OPCML: variants seen among roughly 807,000 people sequenced by gnomAD.
OPCML encodes the protein opioid-binding protein/cell adhesion molecule.
In OPCML, 13 loss-of-function variants were observed where a neutral mutation model predicts 37.8. That is an observed-to-expected ratio of 0.34 (90% CI 0.22 to 0.55). OPCML has a LOEUF of 0.55. Among genes scored for constraint, OPCML ranks in the 20% least tolerant of loss-of-function variants. OPCML has a pLI of 0.91. For missense variants in OPCML, 341 were observed against 435.6 expected (o/e 0.78, Z 1.93); for synonymous variants, 176 against 168.8 (o/e 1.04, Z -0.33).
intron 3 of OPCML, among the ~76,000 whole-genome samples, chr11:132,643,974 C>T (rs1167187407): frequency 2.0e-5 from 3 of 152,184 alleles, no homozygotes; most frequent in African/African-American, 4.8e-5. Context: ...AAACACTCCT[C>T]GTGGTCGTCT....
At chr11:133,257,211 A>G (rs758471565) in intron 1 of OPCML, among the ~76,000 whole-genome samples, 62 of 152,326 alleles carry the variant, frequency 4.1e-4, no homozygotes, top group Admixed American at 1.1e-3. Context: ...AAGCATTTAG[A>G]ATTCGTCTCA....
At chr11:133,480,526 C>T (rs1429473498) in intron 1 of OPCML, among the ~76,000 whole-genome samples, 1 of 152,214 alleles carries the variant, frequency 6.6e-6, no homozygotes, top group African/African-American at 2.4e-5. Context: ...TTATGATCTG[C>T]TCCCTCTTTG....
intron 1 of OPCML, among the ~76,000 whole-genome samples, chr11:132,969,375 A>G (rs977913827): frequency 6.6e-6 from 1 of 151,860 alleles, no homozygotes; most frequent in Admixed American, 6.6e-5. Flanking sequence ...TTGTCTTTCA[A>G]CCTTTTCCCT....
intron 1 of OPCML, among the ~76,000 whole-genome samples, chr11:133,255,903 T>G (rs2136444569): frequency 6.6e-6 from 1 of 152,358 alleles, no homozygotes; most frequent in Middle Eastern, 3.4e-3. Flanking sequence ...ATGATACCAA[T>G]GGAAATGTCT....
At chr11:133,296,328 C>T (rs1942628762) in intron 1 of OPCML, among the ~76,000 whole-genome samples, 1 of 152,192 alleles carries the variant, frequency 6.6e-6, no homozygotes. Flanking sequence ...GGTTTATTTG[C>T]TTCTGGTGCA....
chr11:133,248,515 A>G (rs1051015573), intron 1 of OPCML, among the ~76,000 whole-genome samples: 3 of 152,242 alleles, frequency 2.0e-5, no homozygotes, highest in Non-Finnish European at 2.9e-5. Flanking sequence ...TGAACAAGCC[A>G]TAACTTTCTA....
chr11:132,942,843 TG>T (rs1404135023), intron 2 of OPCML, 82 bp downstream of exon 2: 45 of 1,561,994 alleles, frequency 2.9e-5, no homozygotes, highest in African/African-American at 5.4e-5. Flanking sequence ...CGGTCCCCCA[TG>T]GAGCCTTCTG....
intron 1 of OPCML, among the ~76,000 whole-genome samples, chr11:133,047,561 G>A (rs950707285): frequency 1.3e-5 from 2 of 152,104 alleles, no homozygotes; most frequent in Admixed American, 6.5e-5. Context: ...ATGGCACTGC[G>A]GCCCACGTGC....
In OPCML at chr11:133,173,664, C is replaced by T. The variant is rs910229782; in HGVS notation, c.62-230654G>A. Among the ~76,000 whole-genome samples the T allele has an allele frequency of 6.6e-6, 1 of 152,196 alleles. No homozygotes were observed. Among genetic ancestry groups the T allele is most frequent in the Admixed American group, 6.5e-5 (1 of 15,284 alleles). On this transcript the variant is annotated intron_variant, in intron 1 of 7. Coordinates refer to ENST00000524381, the MANE Select transcript of OPCML (RefSeq NM_001012393.5). The surrounding 1 kb of genome is among the most constrained non-coding windows in gnomAD (Gnocchi z 7.8). ...GCGATGAGGCTAACGTAAGGGTAGA[C>T]ACCTCCCTGCAGATAATAACGAGAA...
chr11:132,523,599 G>GA (rs1157871942), intron 4 of OPCML, among the ~76,000 whole-genome samples: 2 of 151,986 alleles, frequency 1.3e-5, no homozygotes, highest in African/African-American at 4.8e-5. Context: ...ATGGAAGAAA[G>GA]AAAAAATACA....
intron 2 of OPCML, among the ~76,000 whole-genome samples, chr11:132,796,660 G>A (rs1938337576): frequency 7.5e-6 from 1 of 132,682 alleles, no homozygotes. Context: ...TGCAAGCTCC[G>A]CCTCCCGGGT....
intron 3 of OPCML, among the ~76,000 whole-genome samples, chr11:132,541,155 C>T (rs2096355459): frequency 6.6e-6 from 1 of 152,184 alleles, no homozygotes; most frequent in Non-Finnish European, 1.5e-5. Flanking sequence ...GAGGTGGTGG[C>T]CAAGCCCATG....
At chr11:132,922,809 A>T (rs1259736941) in intron 2 of OPCML, among the ~76,000 whole-genome samples, 2 of 152,186 alleles carry the variant, frequency 1.3e-5, no homozygotes, top group Non-Finnish European at 2.9e-5. Flanking sequence ...ACAGTGGCTC[A>T]CGTCTGTAAT....
chr11:133,216,779 T>C (rs1165603658), intron 1 of OPCML, among the ~76,000 whole-genome samples: 4 of 152,228 alleles, frequency 2.6e-5, no homozygotes, highest in South Asian at 2.1e-4. Context: ...CATTCATGCA[T>C]ATGAACAAAT....
In OPCML at chr11:132,982,303, C is replaced by T. The variant is rs1946604312; in HGVS notation, c.62-39293G>A. On this transcript the variant is annotated intron_variant, in intron 1 of 7. Coordinates refer to ENST00000524381, the MANE Select transcript of OPCML (RefSeq NM_001012393.5). ...CATTTATCCCAAATGTGTGTGATCC[C>T]TCTCTCCTTTGAACACCTCTACCTT... Among the ~76,000 whole-genome samples the T allele has an allele frequency of 2.6e-5, 4 of 151,442 alleles. No homozygotes were observed. In the South Asian group the frequency reaches 8.3e-4, roughly 32 times the overall value.
intron 2 of OPCML, among the ~76,000 whole-genome samples, chr11:132,919,288 C>T (rs1455899974): frequency 6.6e-6 from 1 of 152,082 alleles, no homozygotes; most frequent in Non-Finnish European, 1.5e-5. Context: ...GAGAGGGGTC[C>T]TTGGACAAGC....
chr11:132,753,499 C>A (rs971348846), intron 2 of OPCML, among the ~76,000 whole-genome samples: 1 of 152,256 alleles, frequency 6.6e-6, no homozygotes, highest in African/African-American at 2.4e-5. Flanking sequence ...TGGCTACATA[C>A]CTACATACAT....
intron 3 of OPCML, among the ~76,000 whole-genome samples, chr11:132,621,919 T>G (rs747088076): frequency 1.1e-4 from 17 of 152,168 alleles, no homozygotes; most frequent in Middle Eastern, 6.3e-3. Context: ...GAATACATTT[T>G]CCCTCCATGG....
At chr11:132,685,854 A>C (rs1321378177) in intron 2 of OPCML, among the ~76,000 whole-genome samples, 1 of 152,222 alleles carries the variant, frequency 6.6e-6, no homozygotes, top group African/African-American at 2.4e-5. Flanking sequence ...ATCCTTTCTC[A>C]ACAATGTAAA....
Sources: allele counts gnomAD v4.1 joint callset (sites outside exome capture counted in the v4.1 genomes callset), GRCh38; gene constraint gnomAD v4.1.1; non-coding constraint Gnocchi (gnomAD v3.1); transcripts MANE v1.5; gene names NCBI Gene and HGNC (gene_info 2026-07-23, HGNC 2026-07-21).